Variants in EXD1 observed in about 807,000 individuals in gnomAD.
EXD1 encodes the protein piRNA biogenesis protein EXD1.
In EXD1, 63 loss-of-function variants were observed where a neutral mutation model predicts 49.1. The ratio of observed to expected loss-of-function variants is 1.28; its 90% confidence interval spans 1.05 to 1.58. The LOEUF (loss-of-function observed/expected upper bound fraction) is 1.58, where lower values mean the gene tolerates loss of function less well. Among genes scored for constraint, EXD1 ranks in the 40% most tolerant of loss-of-function variants. EXD1 has a pLI of 0.00. For missense variants in EXD1, 748 were observed against 666.0 expected, an observed-to-expected ratio of 1.12 and a Z score of -1.36; for synonymous variants, 234 against 239.2, an observed-to-expected ratio of 0.98 and a Z score of 0.20.
At chr15:41,194,573 A>C (rs692377) in intron 9 of EXD1, among the ~76,000 whole-genome samples, 3,734 of 152,268 alleles carry the variant, frequency 0.025, 148 homozygotes, top group African/African-American at 0.084. Flanking sequence ...CTGACCCTAA[A>C]ACAATAAAAT....
At chr15:41,189,828 C>A (rs924132035) in intron 11 of EXD1, 109 bp downstream of exon 11, 4 of 1,091,218 alleles carry the variant, frequency 3.7e-6, no homozygotes, top group Non-Finnish European at 5.3e-6. Context: ...GTATTTATCC[C>A]CAAGTTGACC....
At chr15:41,198,958 A>G (rs913205188) in intron 7 of EXD1, among the ~76,000 whole-genome samples, 45 of 150,468 alleles carry the variant, frequency 3.0e-4, no homozygotes, top group African/African-American at 1.1e-3. Flanking sequence ...GTGAGCCACC[A>G]CACATGGCCT....
chr15:41,186,649 G>A (rs1415065190), intron 11 of EXD1, among the ~76,000 whole-genome samples: 3 of 151,700 alleles, frequency 2.0e-5, no homozygotes, highest in Non-Finnish European at 2.9e-5. Flanking sequence ...GTATAGGAGA[G>A]GATATGATAG....
At chr15:41,207,650 G>A (rs898295040) in intron 7 of EXD1, among the ~76,000 whole-genome samples, 1 of 151,710 alleles carries the variant, frequency 6.6e-6, no homozygotes, top group Non-Finnish European at 1.5e-5. Context: ...ACAAGTGCAC[G>A]TGATGCTTTT....
At chr15:41,191,645 C>T (rs758812571) in intron 9 of EXD1, 60 bp from the exon 10 acceptor site, 168 of 1,463,538 alleles carry the variant, frequency 1.1e-4, no homozygotes, top group Non-Finnish European at 1.3e-4. Flanking sequence ...CTATCTCATG[C>T]CAGAAATATA....
chr15:41,207,305 G>A (rs1036520547), intron 7 of EXD1, among the ~76,000 whole-genome samples: 1 of 151,926 alleles, frequency 6.6e-6, no homozygotes, highest in African/African-American at 2.4e-5. Flanking sequence ...ACTATGGGAG[G>A]CCAAGGCGGG....
chr15:41,210,145 C>T (rs2046899299), intron 6 of EXD1, among the ~76,000 whole-genome samples: 3 of 152,120 alleles, frequency 2.0e-5, no homozygotes, highest in Admixed American at 2.0e-4. Flanking sequence ...AAACTCCTGA[C>T]CTCAAGTGAT....
chr15:41,220,088 G>A (rs1418069644), intron 2 of EXD1, among the ~76,000 whole-genome samples, 190 bp from the exon 3 acceptor site: 1 of 151,262 alleles, frequency 6.6e-6, no homozygotes, highest in African/African-American at 2.4e-5. Context: ...CTTTAAACAA[G>A]TAGTATAAAA....
At chr15:41,211,595 G>A (rs1251278876) in intron 6 of EXD1, among the ~76,000 whole-genome samples, 2 of 152,028 alleles carry the variant, frequency 1.3e-5, no homozygotes, top group Admixed American at 1.3e-4. Flanking sequence ...GGCTGAGGAG[G>A]ACAGATTGCT....
At position 41,183,760 on chromosome 15, in the gene EXD1, C is replaced by T. The variant is rs2046357372; in HGVS notation, c.*171G>A. 2 of 552,998 alleles carry T rather than the reference C, an allele frequency of 3.6e-6. No individual in the cohort carries two copies. Among genetic ancestry groups the T allele is most frequent in the Non-Finnish European group, 6.2e-6 (2 of 324,334 alleles). 34.3% of individuals were successfully genotyped at this position (552,998 alleles called of 1,614,324 possible). ...TACTTCTTCCATTATTTAACTTATT[C>T]ATTCTCATTCTCCGCATACCAGGAA... On this transcript the variant is annotated 3_prime_UTR_variant, in exon 12 of 12. Transcript: ENST00000458580.
chr15:41,209,514 A>G lies in EXD1; in HGVS notation c.521T>C (p.Leu174Pro), dbSNP rs2046887907. Residue 174 changes from leucine (L) to proline (P), a missense_variant, in exon 7 of 12, where the codon CTG becomes CCG. By Grantham distance (98) the Leu-to-Pro change is moderately conservative (BLOSUM62 -3). Coordinates refer to ENST00000458580, the MANE Select transcript of EXD1 (RefSeq NM_001286441.2). ...AAAATCTTTCACCTGCAGCCAGCACAGTTTGCCATGGCGACATACATTCGC... is the reference window on the plus strand; with the variant it reads ...AAAATCTTTCACCTGCAGCCAGCACGGTTTGCCATGGCGACATACATTCGC... ...EGANVCRHGKLCWLQVATNCR... is the reference protein window; with the variant it reads ...EGANVCRHGKPCWLQVATNCR... The G allele has an allele frequency of 2.5e-6, 4 of 1,614,152 alleles. No individual in the cohort carries two copies. The highest frequency in any genetic ancestry group is 2.5e-6 in the Non-Finnish European group (3 of 1,180,020).
chr15:41,192,920 C>G (rs1300971753), intron 9 of EXD1, among the ~76,000 whole-genome samples: 2 of 151,202 alleles, frequency 1.3e-5, no homozygotes, highest in Non-Finnish European at 2.9e-5. Context: ...CTCAGCCTCT[C>G]CAAGTAGCTG....
At chr15:41,202,730 GTAT>G (rs1156622278) in intron 7 of EXD1, among the ~76,000 whole-genome samples, 2 of 152,024 alleles carry the variant, frequency 1.3e-5, no homozygotes, top group Non-Finnish European at 2.9e-5. Flanking sequence ...GCCTCCCAAA[GTAT>G]TGGAATTACA....
chr15:41,225,394 G>A (rs2047146269), intron 2 of EXD1, among the ~76,000 whole-genome samples: 3 of 152,208 alleles, frequency 2.0e-5, no homozygotes, highest in Admixed American at 2.0e-4. Context: ...AGACCGGCCT[G>A]GCCAACACAG....
intron 6 of EXD1, among the ~76,000 whole-genome samples, chr15:41,210,226 T>C (rs2046900678): frequency 6.6e-6 from 1 of 152,118 alleles, no homozygotes; most frequent in South Asian, 2.1e-4. Context: ...TGAATTATAA[T>C]CTTTAAGACA....
At chr15:41,208,838 C>G (rs1351961702) in intron 7 of EXD1, among the ~76,000 whole-genome samples, 1 of 151,860 alleles carries the variant, frequency 6.6e-6, no homozygotes, top group Non-Finnish European at 1.5e-5. Context: ...GGTGAGAAAC[C>G]TGCTGTGGAA....
At chr15:41,205,718 A>AAGGAGG (rs2046812324) in intron 7 of EXD1, among the ~76,000 whole-genome samples, 1 of 99,872 alleles carries the variant, frequency 1.0e-5, no homozygotes, top group African/African-American at 4.8e-5. Flanking sequence ...AGGGAAGGAG[A>AAGGAGG]GAAGGAGGGA....
At chr15:41,204,378 C>T (rs1195755245) in intron 7 of EXD1, among the ~76,000 whole-genome samples, 3 of 151,586 alleles carry the variant, frequency 2.0e-5, no homozygotes, top group African/African-American at 7.3e-5. Flanking sequence ...TGGTGAAACC[C>T]TGTCTCTACT....
chr15:41,196,037 C>T lies in EXD1; in HGVS notation c.535G>A (p.Val179Met), dbSNP rs1401725804. 1 of 1,610,128 alleles carries T rather than the reference C, an allele frequency of 6.2e-7. No homozygotes were observed. The change falls in exon 8 of 12, where the codon GTG (valine) becomes ATG (methionine). Residue 179 changes from valine (V) to methionine (M), a missense_variant and splice_region_variant. Transcript: ENST00000458580. ...AAGTAAACTCGGCAATTTGTGGCCA[C>T]CTACAATAGACCATCCAGACACACA... ...CRHGKLCWLQ[V>M]ATNCRVYLFD...
Sources: gnomAD v4.1 joint callset for allele counts (sites outside exome capture counted in the v4.1 genomes callset) on GRCh38, gnomAD v4.1.1 for gene constraint, MANE v1.5 for transcripts, NCBI Gene and HGNC (gene_info 2026-07-23, HGNC 2026-07-21) for gene names.